The following TMED5 variants were observed in gnomAD, a reference collection of about 807,000 sequenced individuals.
TMED5 encodes transmembrane emp24 domain-containing protein 5.
In TMED5, 27 loss-of-function variants were observed where a neutral mutation model predicts 23.0. That is an observed-to-expected ratio of 1.17 (90% CI 0.86 to 1.62). TMED5 has a LOEUF of 1.62. Among genes scored for constraint, TMED5 ranks in the 40% most tolerant of loss-of-function variants. The pLI, the probability that TMED5 is intolerant of heterozygous loss-of-function variation, is 0.00. For synonymous variants in TMED5, 97 were observed against 100.8 expected (o/e 0.96, Z 0.23); for missense variants, 248 against 273.7 (o/e 0.91, Z 0.66).
chr1:93,169,009 G>A (rs1042428940), intron 1 of TMED5, among the ~76,000 whole-genome samples: 15 of 152,272 alleles, frequency 9.9e-5, no homozygotes, highest in South Asian at 2.1e-4. Flanking sequence ...TGGAGACTGC[G>A]ACATCCCTCT....
At chr1:93,167,049 A>G (rs997130361) in intron 1 of TMED5, among the ~76,000 whole-genome samples, 1 of 152,108 alleles carries the variant, frequency 6.6e-6, no homozygotes, top group Non-Finnish European at 1.5e-5. Flanking sequence ...CTTGGCACCT[A>G]TGTCAAAAAT....
intron 1 of TMED5, among the ~76,000 whole-genome samples, chr1:93,175,175 T>TTTTATATATATATATATATATATATATA (rs1553160148): frequency 8.3e-6 from 1 of 119,872 alleles, no homozygotes; most frequent in African/African-American, 4.0e-5. Flanking sequence ...TAAAAGCCAT[T>TTTTATATATATATATATATATATATATA]TATATATATA....
At chr1:93,155,260 G>GT (rs1375921905) in intron 3 of TMED5, among the ~76,000 whole-genome samples, 6 of 152,072 alleles carry the variant, frequency 3.9e-5, no homozygotes, top group African/African-American at 1.2e-4. Context: ...TATGCTTTAT[G>GT]TTTTTTATCC....
chr1:93,152,639 T>G lies in TMED5; in HGVS notation c.*2031A>C, dbSNP rs1274418124. The G allele has an allele frequency of 6.6e-6, 1 of 152,596 alleles. No homozygotes were observed. The highest frequency in any genetic ancestry group is 1.9e-4 in the East Asian group (1 of 5,204). 9.5% of individuals were successfully genotyped at this position (152,596 alleles called of 1,614,324 possible). ...GTAGAAGATTATGTAACAAATTCAT[T>G]GTTAGGTAAGGAGTCAGAGAGTACA... On this transcript the variant is annotated 3_prime_UTR_variant, in exon 4 of 4. Coordinates refer to ENST00000370282, the MANE Select transcript of TMED5 (RefSeq NM_016040.5).
intron 1 of TMED5, among the ~76,000 whole-genome samples, chr1:93,165,263 T>C (rs1041369402): frequency 8.5e-5 from 13 of 152,228 alleles, no homozygotes; most frequent in Non-Finnish European, 1.9e-4. Context: ...TTGATTAGTT[T>C]TTTATCAATA....
rs1320362958 is a variant in TMED5 at position 93,153,693 on chromosome 1, CAGAAA to C, written c.*972_*976del. 1 of 151,972 alleles carries C rather than the reference CAGAAA, an allele frequency of 6.6e-6. No homozygotes were observed. Among genetic ancestry groups the C allele is most frequent in the Non-Finnish European group, 1.5e-5 (1 of 67,960 alleles). The allele number at this position is 151,972 out of a possible 1,614,324, so 9.4% of individuals were successfully genotyped here. A position where few individuals can be genotyped will look rare whatever the true frequency, so the allele number is the denominator to read the frequency against. On this transcript the variant is annotated 3_prime_UTR_variant, in exon 4 of 4. Transcript: ENST00000370282. The stretch of plus-strand genomic sequence containing the variant: ...CCTGTTTCTGATAATTCTTAGAGCT[CAGAAA>C]AGGAGATATTTATTTATGGTAGGCC...
At chr1:93,156,214 G>A in intron 3 of TMED5, 86 bp downstream of exon 3, 16 of 1,304,748 alleles carry the variant, frequency 1.2e-5, no homozygotes, top group Non-Finnish European at 1.7e-5. Flanking sequence ...GGATAATGCA[G>A]ATAAAATGCT....
At chr1:93,173,631 A>C (rs1648804599) in intron 1 of TMED5, among the ~76,000 whole-genome samples, 2 of 152,380 alleles carry the variant, frequency 1.3e-5, no homozygotes, top group East Asian at 3.9e-4. Flanking sequence ...CTGTCAGTGA[A>C]GAATTCTTTA....
intron 1 of TMED5, among the ~76,000 whole-genome samples, chr1:93,166,613 AT>A (rs1034516428): frequency 6.7e-6 from 1 of 148,152 alleles, no homozygotes; most frequent in African/African-American, 2.4e-5. Context: ...ATTAGATTAG[AT>A]TTTTTTTCCT....
chr1:93,178,608 G>A (rs1041050032), intron 1 of TMED5, among the ~76,000 whole-genome samples: 1 of 151,894 alleles, frequency 6.6e-6, no homozygotes, highest in African/African-American at 2.4e-5. Context: ...CCACCTCCAT[G>A]CACAATTCCT....
chr1:93,175,822 C>T (rs1648893313), intron 1 of TMED5, among the ~76,000 whole-genome samples: 1 of 152,062 alleles, frequency 6.6e-6, no homozygotes, highest in African/African-American at 2.4e-5. Flanking sequence ...TTTTTAGTGC[C>T]TATTATGCCC....
rs1315096880 is a variant in TMED5 at position 93,152,730 on chromosome 1, G to A, written c.*1940C>T. 6.6e-6 allele frequency: 1 copy of A among 152,502 alleles called. No individual in the cohort carries two copies. The highest frequency in any genetic ancestry group is 1.5e-5 in the Non-Finnish European group (1 of 67,994). The allele number at this position is 152,502 out of a possible 1,614,324, so 9.4% of individuals were successfully genotyped here. A position where few individuals can be genotyped will look rare whatever the true frequency, so the allele number is the denominator to read the frequency against. On this transcript the variant is annotated 3_prime_UTR_variant, in exon 4 of 4. Transcript: ENST00000370282. ...ACAGTTTTATAGAAAAGATGCAGTAGTTTATATCTGTACCCTGCTTTATTA... is the reference window on the plus strand; with the variant it reads ...ACAGTTTTATAGAAAAGATGCAGTAATTTATATCTGTACCCTGCTTTATTA...
intron 2 of TMED5, among the ~76,000 whole-genome samples, chr1:93,156,807 CAAAAA>C (rs10572798): frequency 2.2e-5 from 2 of 90,492 alleles, no homozygotes; most frequent in African/African-American, 7.7e-5. Context: ...GATCCTGTCT[CAAAAA>C]AAAAAAAAAA....
At chr1:93,172,339 A>G (rs756213987) in intron 1 of TMED5, among the ~76,000 whole-genome samples, 1 of 152,234 alleles carries the variant, frequency 6.6e-6, no homozygotes. Flanking sequence ...CCCGGAACTA[A>G]TAAGTGATGA....
At chr1:93,167,707 A>C (rs1648558221) in intron 1 of TMED5, among the ~76,000 whole-genome samples, 2 of 152,184 alleles carry the variant, frequency 1.3e-5, no homozygotes, top group Non-Finnish European at 2.9e-5. Context: ...AAAGAAGGAT[A>C]ATTTGACTTC....
At chr1:93,163,226 A>G (rs982859290) in intron 1 of TMED5, 15 of 152,176 alleles carry the variant, frequency 9.9e-5, no homozygotes, top group African/African-American at 2.9e-4. Flanking sequence ...CAAAGCTAAG[A>G]AAAGATTTCA....
rs1262094639 is a variant in TMED5 at position 93,180,380 on chromosome 1, G to GA, written c.-139dup. 71 of 1,256,958 alleles carry GA rather than the reference G, an allele frequency of 5.6e-5. No homozygotes were observed. Among genetic ancestry groups the GA allele is most frequent in the Non-Finnish European group, 7.3e-5 (67 of 916,450 alleles). The allele number at this position is 1,256,958 out of a possible 1,614,324, so 77.9% of individuals were successfully genotyped here. A position where few individuals can be genotyped will look rare whatever the true frequency, so the allele number is the denominator to read the frequency against. ...TCCAGGTGGCGGCCGCGGCGGCGGCGAACACTCCCTCCGAAAGAGAAGCGC... is the reference window on the plus strand; with the variant it reads ...TCCAGGTGGCGGCCGCGGCGGCGGCGAAACACTCCCTCCGAAAGAGAAGCGC... On this transcript the variant is annotated 5_prime_UTR_variant, in exon 1 of 4. Transcript: ENST00000370282.
rs1240639907 is a variant in TMED5 at position 93,152,198 on chromosome 1, C to G, written c.*2472G>C. 6.6e-6 allele frequency: 1 copy of G among 152,560 alleles called. No homozygotes were observed. The highest frequency in any genetic ancestry group is 2.4e-5 in the African/African-American group (1 of 41,438). The allele number at this position is 152,560 out of a possible 1,614,324, so 9.5% of individuals were successfully genotyped here. ...ATCCAAATGCATATCAGAGCAAACT[C>G]TAGGCCTTAGTGTGAGGTGAACACG... On this transcript the variant is annotated 3_prime_UTR_variant, in exon 4 of 4. Transcript: ENST00000370282.
intron 1 of TMED5, among the ~76,000 whole-genome samples, chr1:93,173,751 T>C (rs1387456625): frequency 2.0e-5 from 3 of 152,192 alleles, no homozygotes; most frequent in Non-Finnish European, 4.4e-5. Context: ...TATGAACCAA[T>C]AGACTTCCTT....
Sources: gnomAD v4.1 joint callset for allele counts (sites outside exome capture counted in the v4.1 genomes callset) on GRCh38, gnomAD v4.1.1 for gene constraint, MANE v1.5 for transcripts, NCBI Gene and HGNC (gene_info 2026-07-23, HGNC 2026-07-21) for gene names.